RBPMS: variants seen among roughly 807,000 people sequenced by gnomAD.
RBPMS encodes RNA-binding protein with multiple splicing.
In RBPMS, 7 loss-of-function variants were observed where a neutral mutation model predicts 26.8. The ratio of observed to expected loss-of-function variants is 0.26; its 90% confidence interval spans 0.15 to 0.49. The LOEUF is 0.49. Ranked by LOEUF, RBPMS falls within the 20% of genes least tolerant of loss-of-function variation. The pLI, the probability that RBPMS is intolerant of heterozygous loss-of-function variation, is 0.98. For missense variants in RBPMS, 186 were observed against 250.0 expected, an observed-to-expected ratio of 0.74 and a Z score of 1.73; for synonymous variants, 96 against 93.3, an observed-to-expected ratio of 1.03 and a Z score of -0.17.
intron 6 of RBPMS, chr8:30,544,863 T>C: frequency 2.0e-6 from 3 of 1,511,918 alleles, no homozygotes; most frequent in East Asian, 2.5e-5. Flanking sequence ...TCTTCCTTAA[T>C]GATCTCACCT....
intron 5 of RBPMS, among the ~76,000 whole-genome samples, chr8:30,526,347 T>C (rs1823584678): frequency 6.6e-6 from 1 of 152,194 alleles, no homozygotes; most frequent in Non-Finnish European, 1.5e-5. Context: ...ACCATCTCTT[T>C]CTTCATAAAG....
At chr8:30,534,486 C>T (rs141489334) in intron 5 of RBPMS, among the ~76,000 whole-genome samples, 1 of 152,178 alleles carries the variant, frequency 6.6e-6, no homozygotes, top group East Asian at 1.9e-4. Context: ...TTTAACATTC[C>T]CTGTGGATAG....
chr8:30,410,451 G>GC (rs538042279), intron 1 of RBPMS, among the ~76,000 whole-genome samples: 1 of 151,862 alleles, frequency 6.6e-6, no homozygotes, highest in Non-Finnish European at 1.5e-5. Flanking sequence ...CTTGTCATCT[G>GC]CCCCCCTCGG....
intron 6 of RBPMS, chr8:30,547,667 CAGGTCCTGGAGCCG>C: frequency 2.2e-6 from 1 of 447,496 alleles, no homozygotes; most frequent in African/African-American, 2.1e-5. Flanking sequence ...CTGGAGAGGC[CAGGTCCTGGAGCCG>C]AGGCCACACT....
At chr8:30,419,273 C>T (rs144481071) in intron 1 of RBPMS, among the ~76,000 whole-genome samples, 3,291 of 152,086 alleles carry the variant, frequency 0.022, 119 homozygotes, top group African/African-American at 0.072. Context: ...TGGCGAAACC[C>T]CATCTCTATT....
chr8:30,541,255 CT>C (rs1825362798), intron 5 of RBPMS, among the ~76,000 whole-genome samples: 1 of 152,194 alleles, frequency 6.6e-6, no homozygotes, highest in Non-Finnish European at 1.5e-5. Context: ...AGAAGATGAT[CT>C]TCCCAAGCTC....
intron 6 of RBPMS, chr8:30,556,117 G>A: frequency 1.0e-6 from 1 of 985,338 alleles, no homozygotes; most frequent in Non-Finnish European, 1.2e-6. Flanking sequence ...CCCCCACTTG[G>A]CAAGCACATA....
chr8:30,461,958 G>A (rs1010641048), intron 1 of RBPMS, among the ~76,000 whole-genome samples: 13 of 152,190 alleles, frequency 8.5e-5, no homozygotes, highest in African/African-American at 3.1e-4. Context: ...GTAATCTTTA[G>A]AGATTGGCTT....
intron 6 of RBPMS, chr8:30,545,014 G>A (rs529474843): frequency 3.3e-5 from 47 of 1,434,444 alleles, no homozygotes; most frequent in South Asian, 2.5e-4. Context: ...GGATATGTGC[G>A]TCTGTGCGTG....
Position 30,507,051 on chromosome 8 carries a change from C to T in RBPMS, c.397+2615C>T, listed in dbSNP as rs549338899. On this transcript the variant is annotated intron_variant, in intron 5 of 8. Coordinates refer to ENST00000397323, the MANE Select transcript of RBPMS (RefSeq NM_001008710.3). ...TCTGCAGCTTAGTTGAGATTGACCC[C>T]GAATCAGACTGCCGTATTTGCTGAG... Among the ~76,000 whole-genome samples, 30 of 152,226 alleles carry T rather than the reference C, an allele frequency of 2.0e-4. 2 individuals carry two copies. Among genetic ancestry groups the T allele is most frequent in the African/African-American group, 5.5e-4 (23 of 41,530 alleles).
chr8:30,521,909 G>C (rs1823079796), intron 5 of RBPMS, among the ~76,000 whole-genome samples: 1 of 152,102 alleles, frequency 6.6e-6, no homozygotes, highest in Non-Finnish European at 1.5e-5. Context: ...AAGATAGAAT[G>C]GGGGGATTGG....
intron 1 of RBPMS, among the ~76,000 whole-genome samples, chr8:30,445,649 G>GATGGATATATATATAT (rs1813649619): frequency 1.9e-5 from 2 of 107,368 alleles, no homozygotes; most frequent in African/African-American, 7.9e-5. Flanking sequence ...TATACACACG[G>GATGGATATATATATAT]ATATATATAT....
At chr8:30,458,899 C>G (rs1485090070) in intron 1 of RBPMS, among the ~76,000 whole-genome samples, 1 of 151,794 alleles carries the variant, frequency 6.6e-6, no homozygotes, top group Non-Finnish European at 1.5e-5. Flanking sequence ...AAGATAGGGT[C>G]TCACTTTGTT....
At chr8:30,431,829 A>G (rs1221287105) in intron 1 of RBPMS, among the ~76,000 whole-genome samples, 1 of 152,046 alleles carries the variant, frequency 6.6e-6, no homozygotes, top group African/African-American at 2.4e-5. Context: ...AGAGTTTAAA[A>G]CATTATTTGG....
intron 1 of RBPMS, among the ~76,000 whole-genome samples, chr8:30,439,766 C>T (rs1812865274): frequency 6.6e-6 from 1 of 150,886 alleles, no homozygotes; most frequent in African/African-American, 2.5e-5. Context: ...GTCCTCCTAC[C>T]TCAGCTTCCT....
At chr8:30,540,474 G>A (rs1825266300) in intron 5 of RBPMS, among the ~76,000 whole-genome samples, 1 of 152,194 alleles carries the variant, frequency 6.6e-6, no homozygotes, top group Non-Finnish European at 1.5e-5. Flanking sequence ...CTGGCTAGAA[G>A]TGTAGTGGCA....
chr8:30,483,920 G>GCTA (rs1311937025), intron 4 of RBPMS, among the ~76,000 whole-genome samples: 43 of 152,096 alleles, frequency 2.8e-4, no homozygotes, highest in African/African-American at 9.2e-4. Context: ...GCATTTACCA[G>GCTA]AATCAAATTC....
chr8:30,442,566 T>G (rs1473623142), intron 1 of RBPMS: 1 of 152,270 alleles, frequency 6.6e-6, no homozygotes, highest in Non-Finnish European at 1.5e-5. Flanking sequence ...CCTGGAATGC[T>G]TCCTGTTTTG....
rs181982002 is a variant in RBPMS at position 30,544,396 on chromosome 8, G to A, written c.398-98G>A. ...AAAGAATGAGAGTAATTTGACTTCC[G>A]ACAGTGATTGGGGCTCGGGGTTGTT... On this transcript the variant is annotated intron_variant, in intron 5 of 8. Transcript: ENST00000397323. The A allele has an allele frequency of 1.5e-3, 1,835 of 1,206,926 alleles. 15 individuals are homozygous for A. The African/African-American group carries it at 0.023, about 15-fold the overall frequency. The allele number at this position is 1,206,926 out of a possible 1,614,324, so 74.8% of individuals were successfully genotyped here. A position where few individuals can be genotyped will look rare whatever the true frequency, so the allele number is the denominator to read the frequency against.
Sources: allele counts gnomAD v4.1 joint callset (sites outside exome capture counted in the v4.1 genomes callset), GRCh38; gene constraint gnomAD v4.1.1; transcripts MANE v1.5; gene names NCBI Gene and HGNC (gene_info 2026-07-23, HGNC 2026-07-21).